AK5: variants seen among roughly 807,000 people sequenced by gnomAD.
AK5 encodes adenylate kinase 5, also known as adenylate kinase isoenzyme 5.
In AK5, 27 loss-of-function variants were observed where a neutral mutation model predicts 69.5. That is an observed-to-expected ratio of 0.39 (90% CI 0.29 to 0.54). AK5 has a LOEUF of 0.54. Ranked by LOEUF, AK5 falls within the 20% of genes least tolerant of loss-of-function variation. The pLI, the probability that AK5 is intolerant of heterozygous loss-of-function variation, is 0.71. For synonymous variants in AK5, 260 were observed against 244.4 expected (o/e 1.06, Z -0.60); for missense variants, 531 against 700.4 (o/e 0.76, Z 2.73).
chr1:77,454,383 TTCTC>T (rs910938742), intron 8 of AK5, among the ~76,000 whole-genome samples: 4 of 151,626 alleles, frequency 2.6e-5, no homozygotes, highest in Non-Finnish European at 4.4e-5. Flanking sequence ...AGCCTAGCCA[TTCTC>T]TCTCTCTCTC....
chr1:77,443,344 A>G (rs1452459172), intron 8 of AK5, among the ~76,000 whole-genome samples: 1 of 152,210 alleles, frequency 6.6e-6, no homozygotes, highest in Non-Finnish European at 1.5e-5. Flanking sequence ...ATCCATTACA[A>G]ACAAGAGCAT....
intron 10 of AK5, among the ~76,000 whole-genome samples, chr1:77,515,185 A>G (rs1212557934): frequency 1.5e-4 from 23 of 152,172 alleles, no homozygotes; most frequent in South Asian, 2.1e-4. Flanking sequence ...CTCCCTGACA[A>G]TACTATGAGG....
At chr1:77,449,553 T>G (rs577684985) in intron 8 of AK5, among the ~76,000 whole-genome samples, 1 of 152,264 alleles carries the variant, frequency 6.6e-6, no homozygotes, top group East Asian at 1.9e-4. Flanking sequence ...ACTGTGGACT[T>G]TTGAGTTAAT....
At chr1:77,445,420 A>C (rs1275006534) in intron 8 of AK5, among the ~76,000 whole-genome samples, 1 of 152,100 alleles carries the variant, frequency 6.6e-6, no homozygotes. Flanking sequence ...GCCATTTTTA[A>C]TATCATCTTT....
intron 6 of AK5, among the ~76,000 whole-genome samples, chr1:77,378,953 T>G (rs1266686153): frequency 1.3e-5 from 2 of 152,154 alleles, no homozygotes; most frequent in Non-Finnish European, 2.9e-5. Context: ...GGGCCTGCTT[T>G]CATAGTCTTG....
intron 6 of AK5, among the ~76,000 whole-genome samples, chr1:77,390,919 A>G (rs1648381945): frequency 6.6e-6 from 1 of 152,198 alleles, no homozygotes; most frequent in Non-Finnish European, 1.5e-5. Flanking sequence ...GTGTCTGTGT[A>G]TTTTAAGGAA....
At chr1:77,293,019 G>A (rs1013512201) in intron 2 of AK5, among the ~76,000 whole-genome samples, 4 of 151,924 alleles carry the variant, frequency 2.6e-5, no homozygotes, top group South Asian at 2.1e-4. Context: ...TGTTATAAAC[G>A]GCAACAAATA....
chr1:77,327,047 T>G (rs555360498), intron 5 of AK5, among the ~76,000 whole-genome samples: 11 of 152,252 alleles, frequency 7.2e-5, no homozygotes, highest in African/African-American at 2.4e-4. Context: ...TGAATTTAAA[T>G]GTTAAATGTT....
rs557554054 is a variant in AK5 at position 77,328,319 on chromosome 1, T to C, written c.700-12058T>C. On this transcript the variant is annotated intron_variant, in intron 5 of 13. Coordinates refer to ENST00000354567, the MANE Select transcript of AK5 (RefSeq NM_174858.3). ...TTCAAGACCAGCCTGACCAACATAGTGAAACCCTGTGTCTACTAAAAATAC... is the reference window on the plus strand; with the variant it reads ...TTCAAGACCAGCCTGACCAACATAGCGAAACCCTGTGTCTACTAAAAATAC... Among the ~76,000 whole-genome samples, 25 of 152,124 alleles carry C rather than the reference T, an allele frequency of 1.6e-4. 1 individual carries two copies. In the South Asian group the frequency reaches 5.0e-3, roughly 30 times the overall value.
intron 5 of AK5, among the ~76,000 whole-genome samples, chr1:77,333,749 A>G (rs1375439250): frequency 6.6e-6 from 1 of 152,236 alleles, no homozygotes; most frequent in Non-Finnish European, 1.5e-5. Flanking sequence ...ATGGCCGGCA[A>G]AGCCTGAAAT....
intron 1 of AK5, among the ~76,000 whole-genome samples, chr1:77,283,925 G>C (rs1194738396): frequency 1.3e-5 from 2 of 151,982 alleles, no homozygotes; most frequent in Non-Finnish European, 2.9e-5. Context: ...TTTTTTCTTT[G>C]TAAATGTGGG....
At chr1:77,457,091 T>C (rs1653537145) in intron 8 of AK5, among the ~76,000 whole-genome samples, 1 of 152,210 alleles carries the variant, frequency 6.6e-6, no homozygotes, top group Non-Finnish European at 1.5e-5. Flanking sequence ...CCTTGCCATA[T>C]TGTGGTCAGG....
At chr1:77,317,937 C>T (rs1252993652) in intron 5 of AK5, among the ~76,000 whole-genome samples, 1 of 152,182 alleles carries the variant, frequency 6.6e-6, no homozygotes, top group Non-Finnish European at 1.5e-5. Flanking sequence ...AACACATTAG[C>T]ATGCAAACTT....
intron 5 of AK5, among the ~76,000 whole-genome samples, chr1:77,332,287 T>C (rs1388849350): frequency 4.0e-5 from 6 of 151,894 alleles, no homozygotes; most frequent in African/African-American, 1.2e-4. Flanking sequence ...TTTATTAGTC[T>C]TTTCAAAAAA....
intron 6 of AK5, among the ~76,000 whole-genome samples, chr1:77,360,179 A>G (rs1646838067): frequency 6.6e-6 from 1 of 152,212 alleles, no homozygotes; most frequent in South Asian, 2.1e-4. Context: ...AACATTGACT[A>G]GAGAGCAACA....
intron 8 of AK5, among the ~76,000 whole-genome samples, chr1:77,433,664 G>A (rs911178642): frequency 2.6e-5 from 4 of 152,100 alleles, no homozygotes; most frequent in Non-Finnish European, 5.9e-5. Context: ...GTTCACAAAT[G>A]TTTACTTTAC....
intron 8 of AK5, among the ~76,000 whole-genome samples, chr1:77,433,549 G>T (rs1182065395): frequency 6.7e-6 from 1 of 149,370 alleles, no homozygotes; most frequent in Non-Finnish European, 1.5e-5. Context: ...CCATAATAAA[G>T]AGAACAGATT....
At chr1:77,301,363 C>T (rs1454820612) in intron 5 of AK5, among the ~76,000 whole-genome samples, 2 of 152,186 alleles carry the variant, frequency 1.3e-5, no homozygotes, top group Admixed American at 6.5e-5. Flanking sequence ...ACATCCATCG[C>T]TTCTGCTCAC....
intron 8 of AK5, among the ~76,000 whole-genome samples, chr1:77,440,780 C>A (rs1570132007): frequency 6.6e-6 from 1 of 151,754 alleles, no homozygotes; most frequent in Middle Eastern, 3.4e-3. Flanking sequence ...GAGACAGTCT[C>A]ACTCTGTCAC....
Sources: gnomAD v4.1 joint callset for allele counts (sites outside exome capture counted in the v4.1 genomes callset) on GRCh38, gnomAD v4.1.1 for gene constraint, MANE v1.5 for transcripts, NCBI Gene and HGNC (gene_info 2026-07-23, HGNC 2026-07-21) for gene names.